Variants in DLGAP2 observed in about 807,000 individuals in gnomAD.
DLGAP2 encodes DLG associated protein 2, also known as disks large-associated protein 2.
DLGAP2 carries 26 observed loss-of-function variants against 100.3 expected under a neutral mutation model. The observed-to-expected ratio is 0.26, with a 90% CI of 0.19 to 0.36. The LOEUF (loss-of-function observed/expected upper bound fraction) is 0.36. Ranked by LOEUF, DLGAP2 falls within the 10% of genes least tolerant of loss-of-function variation. DLGAP2 has a pLI of 1.00. For missense variants in DLGAP2, 1,858 were observed against 1,453.2 expected, an observed-to-expected ratio of 1.28 and a Z score of -4.53; for synonymous variants, 886 against 630.1, an observed-to-expected ratio of 1.41 and a Z score of -6.08.
At chr8:1,201,243 T>C (rs978111409) in intron 2 of DLGAP2, among the ~76,000 whole-genome samples, 7 of 152,110 alleles carry the variant, frequency 4.6e-5, no homozygotes, top group Non-Finnish European at 8.8e-5. Context: ...ACGCGTGTGA[T>C]TGTGGAGGCT....
intron 2 of DLGAP2, among the ~76,000 whole-genome samples, chr8:988,159 T>C (rs571324886): frequency 1.3e-5 from 2 of 152,334 alleles, no homozygotes; most frequent in African/African-American, 4.8e-5. Context: ...AATCGCATGA[T>C]TTTTATGTGG....
chr8:947,688 G>A (rs988938519), intron 2 of DLGAP2, among the ~76,000 whole-genome samples: 13 of 152,272 alleles, frequency 8.5e-5, no homozygotes, highest in African/African-American at 2.6e-4. Flanking sequence ...GGCCCTCCCT[G>A]CCCACGGCTC....
rs1390638640 is a variant in DLGAP2, at chr8:1,548,865, C to A, written c.412C>A (p.Arg138Ser). The A allele has an allele frequency of 6.3e-7, 1 of 1,589,124 alleles. No homozygotes were observed. The highest frequency in any genetic ancestry group is 8.5e-7 in the Non-Finnish European group (1 of 1,172,998). The change falls in exon 5 of 15, where the codon CGC becomes AGC. Residue 138 changes from arginine to serine, a missense_variant. Arg to Ser is a moderately radical substitution (Grantham distance 110). Transcript: ENST00000637795. ...CPGGRHRCSPRSSVHSECVMM... is the reference protein window; with the variant it reads ...CPGGRHRCSPSSSVHSECVMM... ...CGGGGGGCGCCACCGCTGCTCGCCG[C>A]GCAGCTCGGTGCACTCGGAGTGCGT...
intron 2 of DLGAP2, among the ~76,000 whole-genome samples, chr8:982,790 G>C (rs1800373087): frequency 6.6e-6 from 1 of 151,572 alleles, no homozygotes; most frequent in South Asian, 2.1e-4. Flanking sequence ...GAGCTTTCTA[G>C]TCCACAGTTG....
chr8:1,442,354 C>T lies in DLGAP2; in HGVS notation c.107-59012C>T, dbSNP rs183557765. Among the ~76,000 whole-genome samples the T allele has an allele frequency of 1.6e-3, 241 of 151,650 alleles. 4 individuals carry two copies. In the South Asian group the frequency reaches 0.023, roughly 14 times the overall value. On this transcript the variant is annotated intron_variant, in intron 3 of 14. Transcript: ENST00000637795. ...TGGGGGAGATGGATCCAGGCATAGA[C>T]CCGCCAAGCTGCTGTGGGTTCAGCC...
At chr8:1,317,769 C>G (rs1379094988) in intron 3 of DLGAP2, among the ~76,000 whole-genome samples, 1 of 100,698 alleles carries the variant, frequency 9.9e-6, no homozygotes, top group South Asian at 3.5e-4. Context: ...CAACAGTGGT[C>G]TACACTCGAG....
At chr8:1,480,846 A>G (rs1173708070) in intron 3 of DLGAP2, among the ~76,000 whole-genome samples, 5 of 151,282 alleles carry the variant, frequency 3.3e-5, no homozygotes, top group Non-Finnish European at 4.4e-5. Flanking sequence ...AGCCTGGGAA[A>G]CAAGAACGAA....
intron 3 of DLGAP2, among the ~76,000 whole-genome samples, chr8:1,353,760 A>G (rs1801787493): frequency 6.6e-6 from 1 of 152,258 alleles, no homozygotes; most frequent in South Asian, 2.1e-4. Flanking sequence ...AGGTCAAAGA[A>G]CCTTGTAAAC....
Position 1,640,592 on chromosome 8 carries a change from G to C in DLGAP2, c.1810+7546G>C, listed in dbSNP as rs1035311272. Among the ~76,000 whole-genome samples the C allele has an allele frequency of 1.3e-4, 20 of 152,200 alleles. No homozygotes were observed. The East Asian group carries it at 3.5e-3, about 27-fold the overall frequency. On this transcript the variant is annotated intron_variant, in intron 8 of 14. Coordinates refer to ENST00000637795, the MANE Select transcript of DLGAP2 (RefSeq NM_001346810.2). Reference sequence around the variant, plus strand: ...TCCATGAAGCCCCAAGAATCCTTCAGCAAAGCTCCATGTTGCAAACTAAAG... The same window carrying C: ...TCCATGAAGCCCCAAGAATCCTTCACCAAAGCTCCATGTTGCAAACTAAAG...
At chr8:1,368,023 T>C (rs1332199856) in intron 3 of DLGAP2, among the ~76,000 whole-genome samples, 1 of 152,196 alleles carries the variant, frequency 6.6e-6, no homozygotes, top group Non-Finnish European at 1.5e-5. Flanking sequence ...ATTGGTTTTA[T>C]TTTGGGGATT....
At chr8:884,493 T>C (rs1797883614) in intron 1 of DLGAP2, among the ~76,000 whole-genome samples, 1 of 152,126 alleles carries the variant, frequency 6.6e-6, no homozygotes, top group African/African-American at 2.4e-5. Flanking sequence ...TTTTTTTTCC[T>C]GTAAATAGTT....
chr8:1,134,139 G>T (rs577233994), intron 2 of DLGAP2, among the ~76,000 whole-genome samples: 12 of 152,130 alleles, frequency 7.9e-5, no homozygotes, highest in Admixed American at 5.2e-4. Context: ...ATGGCCTCCA[G>T]TTCCATCTGT....
intron 2 of DLGAP2, among the ~76,000 whole-genome samples, chr8:922,419 A>G (rs1405071392): frequency 6.6e-6 from 1 of 152,230 alleles, no homozygotes. Flanking sequence ...ATTTGCCCCC[A>G]AAATTTAAAA....
chr8:1,451,133 G>A (rs1342739201), intron 3 of DLGAP2, among the ~76,000 whole-genome samples: 1 of 152,106 alleles, frequency 6.6e-6, no homozygotes, highest in Admixed American at 6.5e-5. Flanking sequence ...GGGTGGGACT[G>A]GAGTCACACC....
chr8:1,509,905 G>C (rs1229457637), intron 4 of DLGAP2, among the ~76,000 whole-genome samples: 1 of 152,194 alleles, frequency 6.6e-6, no homozygotes, highest in Non-Finnish European at 1.5e-5. Flanking sequence ...GGTGCATTCA[G>C]GAGGTTTCAG....
At chr8:897,869 C>A (rs2128996825) in intron 1 of DLGAP2, among the ~76,000 whole-genome samples, 1 of 152,298 alleles carries the variant, frequency 6.6e-6, no homozygotes, top group African/African-American at 2.4e-5. Flanking sequence ...CTGTGAGTTT[C>A]TCTGGGGACC....
In DLGAP2 at chr8:1,211,870, G is replaced by T. The variant is rs147833158; in HGVS notation, c.74-46981G>T. On this transcript the variant is annotated intron_variant, in intron 2 of 14. Transcript: ENST00000637795. ...AGCCTGGATGACAGAGCGAGACTTC[G>T]TCTCAAAAAATAAAATAAAATAAAA... Among the ~76,000 whole-genome samples the T allele has an allele frequency of 8.0e-3, 1,221 of 152,292 alleles. 15 individuals carry two copies. Among genetic ancestry groups the T allele is most frequent in the African/African-American group, 0.028 (1,144 of 41,564 alleles).
rs149577089 is a variant in DLGAP2 at position 1,030,358 on chromosome 8, C to T, written c.73+122392C>T. 4.4e-3 allele frequency among the ~76,000 whole-genome samples: 677 copies of T among 152,198 alleles called. 3 individuals are homozygous for T. Among genetic ancestry groups the T allele is most frequent in the Non-Finnish European group, 7.6e-3 (514 of 68,016 alleles). On this transcript the variant is annotated intron_variant, in intron 2 of 14. Transcript: ENST00000637795. ...TTGTGTATTTTTTTCAAATACAGTT[C>T]TGTTCAAAGTTAGATTTCTTCATCA...
At chr8:1,428,505 C>G (rs1188961432) in intron 3 of DLGAP2, among the ~76,000 whole-genome samples, 2 of 152,082 alleles carry the variant, frequency 1.3e-5, no homozygotes, top group South Asian at 2.1e-4. Flanking sequence ...ATGATATATT[C>G]TTGGTAACAA....
Sources: gnomAD v4.1 joint callset for allele counts (sites outside exome capture counted in the v4.1 genomes callset) on GRCh38, gnomAD v4.1.1 for gene constraint, MANE v1.5 for transcripts, NCBI Gene and HGNC (gene_info 2026-07-23, HGNC 2026-07-21) for gene names.